The following ADGRB3 variants were observed in gnomAD, a reference collection of about 807,000 sequenced individuals.
The protein encoded by ADGRB3 is brain-specific angiogenesis inhibitor 3.
ADGRB3 carries 37 observed loss-of-function variants against 193.4 expected under a neutral mutation model. The observed-to-expected ratio is 0.19, with a 90% confidence interval of 0.15 to 0.25. The LOEUF is 0.25. ADGRB3 is among the 10% of genes least tolerant of loss of function. The pLI, the probability that ADGRB3 is intolerant of heterozygous loss-of-function variation, is 1.00. For synonymous variants in ADGRB3, 690 were observed against 644.2 expected (o/e 1.07, Z -1.08); for missense variants, 1,637 against 1,852.9 (o/e 0.88, Z 2.14).
intron 20 of ADGRB3, among the ~76,000 whole-genome samples, chr6:69,256,850 T>C (rs1319290807): frequency 6.6e-6 from 1 of 152,224 alleles, no homozygotes; most frequent in Non-Finnish European, 1.5e-5. Flanking sequence ...TTATCATAGA[T>C]AGCTGTTATT....
chr6:69,078,677 T>A (rs1772302306), intron 17 of ADGRB3, among the ~76,000 whole-genome samples: 1 of 152,030 alleles, frequency 6.6e-6, no homozygotes, highest in African/African-American at 2.4e-5. Context: ...TCCTTGTACA[T>A]CTCTCCCTGA....
At chr6:69,338,206 G>A (rs926677074) in intron 24 of ADGRB3, among the ~76,000 whole-genome samples, 1 of 152,232 alleles carries the variant, frequency 6.6e-6, no homozygotes, top group South Asian at 2.1e-4. Flanking sequence ...TTAAATACTA[G>A]GAGGTTGGAG....
rs528253735 is a variant in ADGRB3, at chr6:69,116,658, C to G, written c.2480+40620C>G. ...AGGTAGTATTAAGAAGGTGGAGTTT[C>G]TGAAAGATACAATATTAACAACAGC... On this transcript the variant is annotated intron_variant, in intron 17 of 31. Coordinates refer to ENST00000370598, the MANE Select transcript of ADGRB3 (RefSeq NM_001704.3). Among the ~76,000 whole-genome samples the G allele has an allele frequency of 1.6e-3, 244 of 152,308 alleles. 1 individual carries two copies. Among genetic ancestry groups the G allele is most frequent in the Non-Finnish European group, 2.7e-3 (181 of 68,028 alleles).
chr6:68,848,796 G>A (rs994498161), intron 3 of ADGRB3, among the ~76,000 whole-genome samples: 3 of 151,734 alleles, frequency 2.0e-5, no homozygotes, highest in African/African-American at 7.3e-5. Flanking sequence ...ATTCTCTCAG[G>A]TACAGTCCTA....
chr6:69,017,266 T>C (rs573092676), intron 12 of ADGRB3, among the ~76,000 whole-genome samples: 9 of 152,086 alleles, frequency 5.9e-5, no homozygotes, highest in Non-Finnish European at 1.2e-4. Flanking sequence ...TCTGACTATA[T>C]GCTTTTCTAT....
At chr6:69,037,700 T>C (rs1770914507) in intron 13 of ADGRB3, among the ~76,000 whole-genome samples, 1 of 152,114 alleles carries the variant, frequency 6.6e-6, no homozygotes, top group African/African-American at 2.4e-5. Context: ...ACCATTTATT[T>C]TGGTGGTATC....
chr6:69,277,437 C>CA (rs1186752573), intron 20 of ADGRB3, among the ~76,000 whole-genome samples: 1 of 152,122 alleles, frequency 6.6e-6, no homozygotes, highest in Admixed American at 6.5e-5. Flanking sequence ...AGCAGAAACA[C>CA]AATGTGGTAC....
chr6:68,823,408 A>G (rs1400816762), intron 3 of ADGRB3, among the ~76,000 whole-genome samples: 1 of 152,026 alleles, frequency 6.6e-6, no homozygotes, highest in East Asian at 1.9e-4. Flanking sequence ...ACATAGATAG[A>G]TACATATATT....
intron 11 of ADGRB3, among the ~76,000 whole-genome samples, chr6:69,005,072 A>G (rs931535477): frequency 1.3e-5 from 2 of 152,240 alleles, no homozygotes; most frequent in Admixed American, 6.5e-5. Context: ...CTTTCTGAAC[A>G]TGATGATGAT....
chr6:69,331,544 C>T (rs1415006602), intron 23 of ADGRB3: 44 of 985,156 alleles, frequency 4.5e-5, no homozygotes, highest in Admixed American at 6.2e-5. Flanking sequence ...AGCTTGTTCT[C>T]CCTCAACTAA....
At chr6:69,298,299 A>G (rs1174808185) in intron 20 of ADGRB3, among the ~76,000 whole-genome samples, 1 of 151,984 alleles carries the variant, frequency 6.6e-6, no homozygotes, top group Non-Finnish European at 1.5e-5. Flanking sequence ...AGGCCCTCCC[A>G]CAGAGACTAG....
chr6:68,679,661 T>C (rs1764844496), intron 3 of ADGRB3, among the ~76,000 whole-genome samples: 1 of 152,148 alleles, frequency 6.6e-6, no homozygotes, highest in Non-Finnish European at 1.5e-5. Context: ...TCTCAGTCTA[T>C]ATTGAGGTTT....
intron 13 of ADGRB3, among the ~76,000 whole-genome samples, chr6:69,029,635 T>C (rs1272159093): frequency 6.6e-6 from 1 of 152,112 alleles, no homozygotes; most frequent in African/African-American, 2.4e-5. Context: ...AGCTGTACAA[T>C]GTATGAGAAA....
At chr6:69,280,698 C>A (rs1767415228) in intron 20 of ADGRB3, among the ~76,000 whole-genome samples, 2 of 152,100 alleles carry the variant, frequency 1.3e-5, no homozygotes, top group South Asian at 4.1e-4. Context: ...AGGTTTTAAT[C>A]AATTTTTCTA....
chr6:68,783,232 G>A (rs918985353), intron 3 of ADGRB3, among the ~76,000 whole-genome samples: 3 of 149,638 alleles, frequency 2.0e-5, no homozygotes, highest in Non-Finnish European at 4.4e-5. Context: ...CCAAGATTCT[G>A]ATATAGACCA....
At chr6:68,967,906 G>A (rs759550302) in intron 8 of ADGRB3, among the ~76,000 whole-genome samples, 1 of 151,972 alleles carries the variant, frequency 6.6e-6, no homozygotes, top group Admixed American at 6.6e-5. Flanking sequence ...GGGAGGAAGC[G>A]GGGGATAGTC....
chr6:69,135,534 A>G (rs1194690286), intron 17 of ADGRB3, among the ~76,000 whole-genome samples: 1 of 152,030 alleles, frequency 6.6e-6, no homozygotes, highest in Non-Finnish European at 1.5e-5. Context: ...TCTATGTATG[A>G]TTTTTTAAGT....
intron 3 of ADGRB3, among the ~76,000 whole-genome samples, chr6:68,883,671 C>T (rs189207663): frequency 6.6e-6 from 1 of 152,170 alleles, no homozygotes; most frequent in Admixed American, 6.5e-5. Flanking sequence ...TGCACCTTCA[C>T]TCCTGAAGCC....
At chr6:69,049,468 A>G in intron 15 of ADGRB3, 122 bp downstream of exon 15, 1 of 658,536 alleles carries the variant, frequency 1.5e-6, no homozygotes, top group South Asian at 2.4e-5. Context: ...CTTAAATGAA[A>G]TAGAAAATAC....
Sources: allele counts gnomAD v4.1 joint callset (sites outside exome capture counted in the v4.1 genomes callset), GRCh38; gene constraint gnomAD v4.1.1; transcripts MANE v1.5; gene names NCBI Gene and HGNC (gene_info 2026-07-23, HGNC 2026-07-21).